PLAC8: variants seen among roughly 807,000 people sequenced by gnomAD.
The protein encoded by PLAC8 is placenta-specific gene 8 protein.
Under a neutral mutation model 12.6 loss-of-function variants are expected in PLAC8, and 6 were observed. The observed-to-expected ratio is 0.48, with a 90% CI of 0.26 to 0.94. The LOEUF (loss-of-function observed/expected upper bound fraction) is 0.94. Among genes scored for constraint, PLAC8 ranks in the 40% least tolerant of loss-of-function variants. PLAC8 has a pLI of 0.14. For synonymous variants in PLAC8, 54 were observed against 52.6 expected (o/e 1.03, Z -0.11); for missense variants, 122 against 152.7 (o/e 0.80, Z 1.06).
chr4:83,102,441 A>C (rs1732121087), intron 3 of PLAC8, among the ~76,000 whole-genome samples: 1 of 152,190 alleles, frequency 6.6e-6, no homozygotes, highest in Admixed American at 6.5e-5. Flanking sequence ...CAGGAGGCTG[A>C]GGTGGGAGAA....
intron 4 of PLAC8, among the ~76,000 whole-genome samples, chr4:83,091,299 G>C (rs11727630): frequency 0.077 from 11,677 of 152,124 alleles, 583 homozygotes; most frequent in African/African-American, 0.14. Flanking sequence ...TCTTCTCTTA[G>C]GCTCCTCTAA....
At position 83,104,190 on chromosome 4, in the gene PLAC8, C is replaced by A. The variant is rs531983889; in HGVS notation, c.243+706G>T. Among the ~76,000 whole-genome samples, 17 of 152,310 alleles carry A rather than the reference C, an allele frequency of 1.1e-4. No individual in the cohort carries two copies. The South Asian group carries it at 3.3e-3, about 30-fold the overall frequency. ...TTTTGAGACATAATGTTATTGCATACTTAACAGACTATAGTGTAGTATAAG... is the reference window on the plus strand; with the variant it reads ...TTTTGAGACATAATGTTATTGCATAATTAACAGACTATAGTGTAGTATAAG... On this transcript the variant is annotated intron_variant, in intron 3 of 4. Coordinates refer to ENST00000311507, the MANE Select transcript of PLAC8 (RefSeq NM_016619.3).
In PLAC8 at chr4:83,097,230, G is replaced by GGT. The variant is rs144248789; in HGVS notation, c.244-2441_244-2440dup. On this transcript the variant is annotated intron_variant, in intron 3 of 4. Transcript: ENST00000311507. ...TCTGTCTGTCTCTATTTACATGTGG[G>GGT]GTGTGTGTGTGTGTGGGTGTGTATG... Among the ~76,000 whole-genome samples the GGT allele has an allele frequency of 1.5e-4, 22 of 150,532 alleles. No individual in the cohort carries two copies. The South Asian group carries it at 1.9e-3, about 13-fold the overall frequency.
At chr4:83,113,064 A>G (rs2126144956) in intron 1 of PLAC8, among the ~76,000 whole-genome samples, 1 of 152,324 alleles carries the variant, frequency 6.6e-6, no homozygotes, top group Middle Eastern at 3.4e-3. Context: ...GGGTTGAGGA[A>G]TCTGTACAAT....
chr4:83,108,823 A>G (rs532819109), intron 1 of PLAC8, among the ~76,000 whole-genome samples: 41 of 152,314 alleles, frequency 2.7e-4, no homozygotes, highest in African/African-American at 9.6e-4. Flanking sequence ...ACTTTTGTGT[A>G]TATCCCCCCT....
chr4:83,104,205 T>C (rs1362734458), intron 3 of PLAC8, among the ~76,000 whole-genome samples: 10 of 152,206 alleles, frequency 6.6e-5, no homozygotes, highest in Non-Finnish European at 1.5e-4. Flanking sequence ...CAGACTATAG[T>C]GTAGTATAAG....
In PLAC8 at chr4:83,111,366, A is replaced by T. The variant is rs530122577; in HGVS notation, c.-30+3300T>A. Among the ~76,000 whole-genome samples the T allele has an allele frequency of 4.5e-3, 681 of 152,214 alleles. 4 individuals are homozygous for T. The highest frequency in any genetic ancestry group is 0.015 in the African/African-American group (631 of 41,546). ...AGCAAATCCAGTGACTAGAAAAAAA[A>T]TTTTAAGGGGTCATACCAGGCCAGG... On this transcript the variant is annotated intron_variant, in intron 1 of 4. Transcript: ENST00000311507.
chr4:83,096,793 G>A (rs532618886), intron 3 of PLAC8, among the ~76,000 whole-genome samples: 173 of 152,278 alleles, frequency 1.1e-3, no homozygotes, highest in Non-Finnish European at 2.1e-3. Flanking sequence ...AAATTTCTAT[G>A]TCTTGTTTTG....
chr4:83,099,648 C>T (rs1199502280), intron 3 of PLAC8, among the ~76,000 whole-genome samples: 1 of 152,034 alleles, frequency 6.6e-6, no homozygotes, highest in Non-Finnish European at 1.5e-5. Flanking sequence ...CAGATTTTCC[C>T]TTTAGTACTG....
chr4:83,101,955 GATT>G (rs1327959599), intron 3 of PLAC8, among the ~76,000 whole-genome samples: 1 of 152,112 alleles, frequency 6.6e-6, no homozygotes, highest in East Asian at 1.9e-4. Context: ...CACAAAGAAA[GATT>G]ATTTTCAAAA....
At chr4:83,102,390 T>G (rs1352210960) in intron 3 of PLAC8, among the ~76,000 whole-genome samples, 1 of 151,882 alleles carries the variant, frequency 6.6e-6, no homozygotes, top group Non-Finnish European at 1.5e-5. Flanking sequence ...AAATAAAAAA[T>G]TAACTGGGTG....
intron 3 of PLAC8, among the ~76,000 whole-genome samples, chr4:83,097,153 G>A (rs1029842402): frequency 2.6e-5 from 4 of 151,964 alleles, no homozygotes; most frequent in African/African-American, 7.3e-5. Flanking sequence ...CCCTGAAGCC[G>A]GTCATCCAAT....
Position 83,099,664 on chromosome 4 carries a change from C to T in PLAC8, c.244-4873G>A, listed in dbSNP as rs1271288890. Among the ~76,000 whole-genome samples, 3 of 151,962 alleles carry T rather than the reference C, an allele frequency of 2.0e-5. No individual in the cohort carries two copies. In the South Asian group the frequency reaches 6.2e-4, roughly 32 times the overall value. On this transcript the variant is annotated intron_variant, in intron 3 of 4. Transcript: ENST00000311507. ...AGATTTTCCCTTTAGTACTGTGTTC[C>T]AATAGTGCGTGAGTTCTCGTGAGAT...
At chr4:83,106,495 G>A (rs1046374682) in intron 2 of PLAC8, among the ~76,000 whole-genome samples, 1 of 151,936 alleles carries the variant, frequency 6.6e-6, no homozygotes, top group Admixed American at 6.6e-5. Context: ...GTGCGTGCCT[G>A]TAACCCCAGC....
chr4:83,098,977 T>A (rs1663795028), intron 3 of PLAC8, among the ~76,000 whole-genome samples: 2 of 152,104 alleles, frequency 1.3e-5, no homozygotes, highest in Non-Finnish European at 2.9e-5. Flanking sequence ...CAAATGACTT[T>A]CTTTGGTCTA....
intron 3 of PLAC8, among the ~76,000 whole-genome samples, chr4:83,097,207 TG>T (rs1731959179): frequency 6.6e-6 from 1 of 152,118 alleles, no homozygotes; most frequent in Admixed American, 6.6e-5. Flanking sequence ...CCCAATCTTC[TG>T]TCTGTCTCTA....
chr4:83,100,293 A>AG (rs1318182076), intron 3 of PLAC8, among the ~76,000 whole-genome samples: 2 of 151,488 alleles, frequency 1.3e-5, no homozygotes, highest in South Asian at 2.1e-4. Context: ...AAAAAAAAAA[A>AG]AAAATGTGTA....
intron 4 of PLAC8, chr4:83,093,550 T>C (rs1189745412): frequency 2.0e-5 from 3 of 152,260 alleles, no homozygotes; most frequent in Non-Finnish European, 4.4e-5. Context: ...GAGTGCCATC[T>C]GTTTCTTGTT....
Position 83,102,636 on chromosome 4 carries a change from G to A in PLAC8, c.243+2260C>T, listed in dbSNP as rs1052061737. Among the ~76,000 whole-genome samples the A allele has an allele frequency of 1.2e-4, 19 of 152,314 alleles. No homozygotes were observed. In the South Asian group the frequency reaches 3.1e-3, roughly 25 times the overall value. On this transcript the variant is annotated intron_variant, in intron 3 of 4. Coordinates refer to ENST00000311507, the MANE Select transcript of PLAC8 (RefSeq NM_016619.3). ...GAAGTTGATTCTATCCCTCATGGATGACTTTGAGGTGTTCAAGACTTCAGT... is the reference window on the plus strand; with the variant it reads ...GAAGTTGATTCTATCCCTCATGGATAACTTTGAGGTGTTCAAGACTTCAGT...
Sources: allele counts gnomAD v4.1 joint callset (sites outside exome capture counted in the v4.1 genomes callset), GRCh38; gene constraint gnomAD v4.1.1; transcripts MANE v1.5; gene names NCBI Gene and HGNC (gene_info 2026-07-23, HGNC 2026-07-21).